The following PLEKHJ1 variants were observed in gnomAD, a reference collection of about 807,000 sequenced individuals.
PLEKHJ1 encodes pleckstrin homology domain-containing family J member 1.
Under a neutral mutation model 21.7 loss-of-function variants are expected in PLEKHJ1, and 20 were observed. That is an observed-to-expected ratio of 0.92 (90% CI 0.65 to 1.34). The LOEUF (loss-of-function observed/expected upper bound fraction) is 1.34. Ranked by LOEUF, PLEKHJ1 falls within the 40% of genes most tolerant of loss-of-function variation. The pLI is 0.00. For missense variants in PLEKHJ1, 241 were observed against 202.0 expected, an observed-to-expected ratio of 1.19 and a Z score of -1.17; for synonymous variants, 113 against 80.6, an observed-to-expected ratio of 1.40 and a Z score of -2.15.
Position 2,233,990 on chromosome 19 carries a change from G to A in PLEKHJ1, c.384+8C>T. ...CCCCACCCCGGCCCTCTGCAGCCCT[G>A]CACACACCTTGCCCGTCACCTTCCG... On this transcript the variant is annotated splice_region_variant and intron_variant, in intron 5 of 5. Transcript: ENST00000326631. 6.2e-7 allele frequency: 1 copy of A among 1,612,986 alleles called. No homozygotes were observed. The highest frequency in any genetic ancestry group is 8.5e-7 in the Non-Finnish European group (1 of 1,179,844).
chr19:2,233,861 C>T lies in PLEKHJ1; in HGVS notation c.429G>A (p.Gln143=). 1 of 1,611,476 alleles carries T rather than the reference C, an allele frequency of 6.2e-7. No homozygotes were observed. The highest frequency in any genetic ancestry group is 2.2e-5 in the East Asian group (1 of 44,864). The part of the protein sequence containing the change: ...QFGISEEARF[Q]LSGLQA ...GCGCTCACGCCTGCAAGCCACTCAG[C>T]TGGAACCTGGCCTCCTCGGATATGC... is the stretch of plus-strand genomic sequence containing the variant. Residue 143 remains glutamine, a synonymous_variant, in exon 6 of 6, where the codon CAG becomes CAA. Transcript: ENST00000326631.
At chr19:2,235,689 G>C in intron 3 of PLEKHJ1, 73 bp downstream of exon 3, 1 of 1,390,968 alleles carries the variant, frequency 7.2e-7, no homozygotes. Context: ...TGGGCGCCCG[G>C]GGAGGGGAAA....
chr19:2,234,456 A>C, intron 3 of PLEKHJ1: 1 of 525,252 alleles, frequency 1.9e-6, no homozygotes, highest in Non-Finnish European at 3.4e-6. Context: ...CATGCCTATA[A>C]TCCCAGCGCT....
Position 2,235,912 on chromosome 19 carries a change from G to A in PLEKHJ1, c.162+11C>T. 6.2e-7 allele frequency: 1 copy of A among 1,608,300 alleles called. No individual in the cohort carries two copies. The highest frequency in any genetic ancestry group is 8.5e-7 in the Non-Finnish European group (1 of 1,178,072). On this transcript the variant is annotated intron_variant, in intron 2 of 5. Coordinates refer to ENST00000326631, the MANE Select transcript of PLEKHJ1 (RefSeq NM_018049.3). ...GCCTGGGACCCGCCCGCGCGCCCGG[G>A]ACGCCCCTACCTCGGCCTCGTCTGT...
At chr19:2,230,696 C>T (rs2024562820), downstream of PLEKHJ1, 2 of 397,874 alleles carry the variant, frequency 5.0e-6, no homozygotes, top group Non-Finnish European at 4.4e-6. Flanking sequence ...GATTTGACAG[C>T]TTTTATTTTT....
chr19:2,232,746 C>T (rs1291727546), downstream of PLEKHJ1, among the ~76,000 whole-genome samples: 2 of 152,120 alleles, frequency 1.3e-5, no homozygotes, highest in Middle Eastern at 3.4e-3. Context: ...CTTGGGGAGG[C>T]TTATGAGGGC....
In PLEKHJ1 at chr19:2,236,287, G is replaced by A. The variant is rs960332198; in HGVS notation, c.-39C>T. On this transcript the variant is annotated 5_prime_UTR_variant, in exon 1 of 6. Coordinates refer to ENST00000326631, the MANE Select transcript of PLEKHJ1 (RefSeq NM_018049.3). The stretch of plus-strand genomic sequence containing the variant: ...ACGGGAACCCGGGCCGCGCCCTCCC[G>A]GCCGCCGTCCCCGCTCAGGCTGGGG... The A allele has an allele frequency of 3.8e-5, 48 of 1,269,642 alleles. No homozygotes were observed. The highest frequency in any genetic ancestry group is 4.9e-5 in the Non-Finnish European group (48 of 984,834). The allele number at this position is 1,269,642 out of a possible 1,614,324, so 78.6% of individuals were successfully genotyped here. A position where few individuals can be genotyped will look rare whatever the true frequency, so the allele number is the denominator to read the frequency against.
At chr19:2,234,414 T>C (rs2024725891) in intron 3 of PLEKHJ1, 174 bp from the exon 4 acceptor site, 1 of 582,354 alleles carries the variant, frequency 1.7e-6, no homozygotes, top group Admixed American at 3.1e-5. Flanking sequence ...TATAAACTAG[T>C]CAAAATGAGG....
At chr19:2,235,883 C>T in intron 2 of PLEKHJ1, 40 bp downstream of exon 2, 4 of 1,595,584 alleles carry the variant, frequency 2.5e-6, no homozygotes, top group Non-Finnish European at 3.4e-6. Flanking sequence ...CTCCGAGGGG[C>T]CCAGCCTGGG....
At position 2,235,940 on chromosome 19, in the gene PLEKHJ1, G is replaced by T. The variant is rs2024797026; in HGVS notation, c.145C>A (p.Arg49=). The change falls in exon 2 of 6, where the codon CGG becomes AGG. Residue 49 remains arginine (R), a synonymous_variant. Coordinates refer to ENST00000326631, the MANE Select transcript of PLEKHJ1 (RefSeq NM_018049.3). ...KLVVNFLFYF[R]TDEAEPVGAL... is the part of the protein sequence containing the mutation. ...GCCCCTACCTCGGCCTCGTCTGTCC[G>T]AAAGTAGAAGAGGAAATTCACCACC... The T allele has an allele frequency of 2.5e-6, 4 of 1,610,188 alleles. No homozygotes were observed. Among genetic ancestry groups the T allele is most frequent in the Non-Finnish European group, 3.4e-6 (4 of 1,179,014 alleles).
chr19:2,236,275 C>T lies in PLEKHJ1; in HGVS notation c.-27G>A, dbSNP rs1371567950. 8 of 1,316,496 alleles carry T rather than the reference C, an allele frequency of 6.1e-6. No individual in the cohort carries two copies. Among genetic ancestry groups the T allele is most frequent in the Non-Finnish European group, 6.8e-6 (7 of 1,023,814 alleles). The allele number at this position is 1,316,496 out of a possible 1,614,324, so 81.6% of individuals were successfully genotyped here. The stretch of plus-strand genomic sequence containing the variant: ...GCTCCGCGGGGAACGGGAACCCGGG[C>T]CGCGCCCTCCCGGCCGCCGTCCCCG... On this transcript the variant is annotated 5_prime_UTR_variant, in exon 1 of 6. Coordinates refer to ENST00000326631, the MANE Select transcript of PLEKHJ1 (RefSeq NM_018049.3).
downstream of PLEKHJ1, chr19:2,231,863 G>A (rs985749172): frequency 3.6e-5 from 8 of 220,344 alleles, no homozygotes; most frequent in Non-Finnish European, 6.4e-5. Flanking sequence ...TGCCCACGCA[G>A]GCCACCGTAT....
At chr19:2,232,980 C>G (rs1026441180), downstream of PLEKHJ1, among the ~76,000 whole-genome samples, 1 of 152,192 alleles carries the variant, frequency 6.6e-6, no homozygotes, top group African/African-American at 2.4e-5. Flanking sequence ...CACACAGCAG[C>G]TCTGTTCTCC....
chr19:2,236,263 C>A lies in PLEKHJ1; in HGVS notation c.-15G>T, dbSNP rs765101130. ...TTGTACCGCATGGCTCCGCGGGGAA[C>A]GGGAACCCGGGCCGCGCCCTCCCGG... On this transcript the variant is annotated 5_prime_UTR_variant, in exon 1 of 6. Transcript: ENST00000326631. 2.3e-5 allele frequency: 31 copies of A among 1,359,126 alleles called. 1 individual carries two copies. In the South Asian group the frequency reaches 4.2e-4, roughly 18 times the overall value. 84.2% of individuals were successfully genotyped at this position (1,359,126 alleles called of 1,614,324 possible).
At chr19:2,230,971 C>T (rs2024572357), downstream of PLEKHJ1, 1 of 252,282 alleles carries the variant, frequency 4.0e-6, no homozygotes. Flanking sequence ...ACTGCTGAAA[C>T]CTGGCCTCTC....
In PLEKHJ1 at chr19:2,235,976, G is replaced by A. The variant is rs1486341316; in HGVS notation, c.109C>T (p.Leu37=). Residue 37 remains leucine, a synonymous_variant, in exon 2 of 6, where the codon CTG becomes TTG. Transcript: ENST00000326631. ...AGGAAATTCACCACCAGCTTCACCA[G>A]CCGCCGCTTCAGCACTGCGGGCACA... ...PKKGSVLKRR[L]VKLVVNFLFY... is the part of the protein sequence containing the mutation. 4 of 1,609,996 alleles carry A rather than the reference G, an allele frequency of 2.5e-6. No individual in the cohort carries two copies. The Admixed American group carries it at 6.7e-5, about 27-fold the overall frequency.
chr19:2,235,016 AAAT>A (rs1027740997), intron 3 of PLEKHJ1: 8 of 152,118 alleles, frequency 5.3e-5, no homozygotes, highest in African/African-American at 1.9e-4. Flanking sequence ...TAAGCAAATA[AAAT>A]AATAAAGTGA....
At chr19:2,232,940 G>A (rs2024664811), downstream of PLEKHJ1, among the ~76,000 whole-genome samples, 1 of 152,182 alleles carries the variant, frequency 6.6e-6, no homozygotes, top group Admixed American at 6.5e-5. Context: ...CCAGAGGCAG[G>A]ACCCCAGGTC....
chr19:2,235,631 C>G (rs2024780019), intron 3 of PLEKHJ1, 131 bp downstream of exon 3: 3 of 750,214 alleles, frequency 4.0e-6, no homozygotes, highest in Non-Finnish European at 4.3e-6. Context: ...ACAATGCACT[C>G]TTGTGTTTGA....
Sources: allele counts gnomAD v4.1 joint callset (sites outside exome capture counted in the v4.1 genomes callset), GRCh38; gene constraint gnomAD v4.1.1; transcripts MANE v1.5; gene names NCBI Gene and HGNC (gene_info 2026-07-23, HGNC 2026-07-21).